The following CACNA2D3 variants were observed in gnomAD, a reference collection of about 807,000 sequenced individuals.
CACNA2D3 encodes the protein calcium voltage-gated channel auxiliary subunit alpha2delta 3.
Under a neutral mutation model 160.6 loss-of-function variants are expected in CACNA2D3, and 60 were observed. The observed-to-expected ratio is 0.37, with a 90% confidence interval of 0.30 to 0.46. The LOEUF (loss-of-function observed/expected upper bound fraction) is 0.46. Ranked by LOEUF, CACNA2D3 falls within the 20% of genes least tolerant of loss-of-function variation. The pLI is 1.00. For synonymous variants in CACNA2D3, 558 were observed against 492.9 expected, an observed-to-expected ratio of 1.13 and a Z score of -1.75; for missense variants, 1,205 against 1,365.0, an observed-to-expected ratio of 0.88 and a Z score of 1.85.
In CACNA2D3 at chr3:54,306,141, T is replaced by A. The variant is rs369939284; in HGVS notation, c.205-14301T>A. Among the ~76,000 whole-genome samples, 32 of 152,304 alleles carry A rather than the reference T, an allele frequency of 2.1e-4. No homozygotes were observed. In the South Asian group the frequency reaches 6.4e-3, roughly 31 times the overall value. ...TCTGAGGAGGGGTCCATGGGCTTCA[T>A]TGGATACCAGAGTACCTGTGGTCTG... On this transcript the variant is annotated intron_variant, in intron 2 of 37. Coordinates refer to ENST00000474759, the MANE Select transcript of CACNA2D3 (RefSeq NM_018398.3).
intron 31 of CACNA2D3, among the ~76,000 whole-genome samples, chr3:55,002,422 A>T (rs917487657): frequency 4.6e-5 from 7 of 152,160 alleles, no homozygotes; most frequent in Non-Finnish European, 2.9e-5. Context: ...GTGAGGATGG[A>T]GATGGTGGCC....
chr3:54,191,883 G>A (rs575677594), intron 2 of CACNA2D3, among the ~76,000 whole-genome samples: 2 of 152,324 alleles, frequency 1.3e-5, no homozygotes, highest in South Asian at 4.1e-4. Context: ...AGCTGTTGCT[G>A]TTGTTGATTA....
chr3:54,211,217 A>C (rs561818252), intron 2 of CACNA2D3, among the ~76,000 whole-genome samples: 2 of 152,222 alleles, frequency 1.3e-5, no homozygotes, highest in Admixed American at 6.5e-5. Context: ...ATGTTGCTAC[A>C]AGCTTTGCTT....
At chr3:54,584,592 G>T (rs929284277) in intron 9 of CACNA2D3, among the ~76,000 whole-genome samples, 2 of 152,152 alleles carry the variant, frequency 1.3e-5, no homozygotes, top group Non-Finnish European at 2.9e-5. Context: ...AGAGGAGAGA[G>T]AGAATGGGAC....
intron 4 of CACNA2D3, among the ~76,000 whole-genome samples, chr3:54,416,166 T>C (rs6803199): frequency 0.47 from 71,862 of 152,090 alleles, 18,191 homozygotes; most frequent in Middle Eastern, 0.58. Context: ...AAAATACAAA[T>C]ATGGTTAAGC....
At position 54,576,623 on chromosome 3, in the gene CACNA2D3, C is replaced by T. The variant is rs1282385569; in HGVS notation, c.889-5180C>T. Among the ~76,000 whole-genome samples, 4 of 152,188 alleles carry T rather than the reference C, an allele frequency of 2.6e-5. No individual in the cohort carries two copies. In the South Asian group the frequency reaches 8.3e-4, roughly 32 times the overall value. Reference sequence around the variant, plus strand: ...AATGGAGACAGAGGGACAGTTACCTCAGCAAGAGTTGTGCGATGTAGTCTA... The same window carrying T: ...AATGGAGACAGAGGGACAGTTACCTTAGCAAGAGTTGTGCGATGTAGTCTA... On this transcript the variant is annotated intron_variant, in intron 8 of 37. Coordinates refer to ENST00000474759, the MANE Select transcript of CACNA2D3 (RefSeq NM_018398.3).
At chr3:54,216,134 C>CGTGT (rs35251785) in intron 2 of CACNA2D3, among the ~76,000 whole-genome samples, 2,441 of 149,470 alleles carry the variant, frequency 0.016, 30 homozygotes, top group East Asian at 0.04. Context: ...TTTAGTTGTA[C>CGTGT]GTGTGTGTGT....
intron 2 of CACNA2D3, among the ~76,000 whole-genome samples, chr3:54,207,562 C>T (rs1701296595): frequency 6.6e-6 from 1 of 152,190 alleles, no homozygotes; most frequent in African/African-American, 2.4e-5. Flanking sequence ...CCACTGCTAA[C>T]CTTCCTGGAT....
chr3:54,449,047 A>C (rs1700264143), intron 4 of CACNA2D3, among the ~76,000 whole-genome samples: 1 of 152,242 alleles, frequency 6.6e-6, no homozygotes, highest in Non-Finnish European at 1.5e-5. Flanking sequence ...AAAGACAAGA[A>C]GTAGCAAACT....
chr3:54,225,023 A>G (rs574024164), intron 2 of CACNA2D3, among the ~76,000 whole-genome samples: 122 of 147,786 alleles, frequency 8.3e-4, no homozygotes, highest in African/African-American at 3.0e-3. Context: ...TTACATATGT[A>G]TACATGTGCC....
At chr3:54,806,420 G>C (rs1703126353) in intron 13 of CACNA2D3, among the ~76,000 whole-genome samples, 1 of 152,166 alleles carries the variant, frequency 6.6e-6, no homozygotes, top group Non-Finnish European at 1.5e-5. Context: ...CGGACAAACA[G>C]AGAACCAAAT....
At chr3:54,784,344 AG>A (rs1702593560) in intron 13 of CACNA2D3, among the ~76,000 whole-genome samples, 1 of 152,262 alleles carries the variant, frequency 6.6e-6, no homozygotes, top group Admixed American at 6.5e-5. Flanking sequence ...TGGGGCTAAG[AG>A]TTGGTATCTT....
intron 4 of CACNA2D3, among the ~76,000 whole-genome samples, chr3:54,417,415 CAT>C (rs1287949288): frequency 2.0e-5 from 3 of 152,144 alleles, no homozygotes; most frequent in South Asian, 4.1e-4. Flanking sequence ...TTGGGCAAGT[CAT>C]ATGTTCTTTC....
intron 3 of CACNA2D3, among the ~76,000 whole-genome samples, chr3:54,328,914 C>A (rs1368303236): frequency 6.6e-6 from 1 of 152,182 alleles, no homozygotes; most frequent in Non-Finnish European, 1.5e-5. Flanking sequence ...CAGCTGGGAG[C>A]ATCGGCGGCT....
intron 12 of CACNA2D3, among the ~76,000 whole-genome samples, chr3:54,761,605 A>T (rs1212473445): frequency 6.6e-6 from 1 of 152,146 alleles, no homozygotes; most frequent in Non-Finnish European, 1.5e-5. Flanking sequence ...GGGTCTCCCT[A>T]ACTATGGTGC....
chr3:54,890,273 G>T (rs927553483), intron 24 of CACNA2D3, among the ~76,000 whole-genome samples: 1 of 152,102 alleles, frequency 6.6e-6, no homozygotes, highest in East Asian at 1.9e-4. Context: ...GAGGTGGGCA[G>T]ATCACAATGG....
intron 11 of CACNA2D3, among the ~76,000 whole-genome samples, chr3:54,657,097 G>C (rs1210932433): frequency 1.3e-5 from 2 of 151,708 alleles, no homozygotes; most frequent in East Asian, 3.9e-4. Flanking sequence ...GGGGTCACAG[G>C]GTACTCAGTG....
chr3:54,819,061 TCCCTTCCCCA>T, intron 14 of CACNA2D3, among the ~76,000 whole-genome samples: 2 of 139,802 alleles, frequency 1.4e-5, no homozygotes, highest in Non-Finnish European at 3.1e-5. Flanking sequence ...CCCCTTCCCA[TCCCTTCCCCA>T]GTATTACCTC....
chr3:54,403,101 C>G (rs1274525344), intron 4 of CACNA2D3, among the ~76,000 whole-genome samples: 4 of 152,020 alleles, frequency 2.6e-5, no homozygotes, highest in Non-Finnish European at 5.9e-5. Context: ...TGGCTCACAC[C>G]TATAATCCCA....
Sources: allele counts gnomAD v4.1 joint callset (sites outside exome capture counted in the v4.1 genomes callset), GRCh38; gene constraint gnomAD v4.1.1; transcripts MANE v1.5; gene names NCBI Gene and HGNC (gene_info 2026-07-23, HGNC 2026-07-21).